The following ARHGEF10L variants were observed in gnomAD, a reference collection of about 807,000 sequenced individuals.
ARHGEF10L encodes the protein rho guanine nucleotide exchange factor 10-like protein.
Under a neutral mutation model 141.2 loss-of-function variants are expected in ARHGEF10L, and 69 were observed. The ratio of observed to expected loss-of-function variants is 0.49; its 90% CI spans 0.40 to 0.60. The LOEUF is 0.60. ARHGEF10L is among the 20% of genes least tolerant of loss of function. The probability of loss-of-function intolerance (pLI) is 0.00; values close to 1 mark genes in which losing one functional copy is unlikely to be tolerated. For missense variants in ARHGEF10L, 1,482 were observed against 1,734.3 expected (o/e 0.85, Z 2.58); for synonymous variants, 711 against 718.5 (o/e 0.99, Z 0.17).
In ARHGEF10L at chr1:17,697,269, C is replaced by T. The variant is rs78226175; in HGVS notation, c.3729C>T (p.Gly1243=). 132 of 1,612,718 alleles carry T rather than the reference C, an allele frequency of 8.2e-5. 1 individual carries two copies. The East Asian group carries it at 2.2e-3, about 27-fold the overall frequency. The part of the protein sequence containing the change: ...KEICSVAIIS[G]GQGYRNFGSA... ...TTTGCTCTGTGGCCATCATCTCCGGCGGGCAGGGCTACCGCAACTTTGGCA... is the reference window on the plus strand; with the variant it reads ...TTTGCTCTGTGGCCATCATCTCCGGTGGGCAGGGCTACCGCAACTTTGGCA... Residue 1243 remains glycine, a synonymous_variant, in exon 29 of 29, where the codon GGC becomes GGT. Transcript: ENST00000361221. The surrounding 1 kb of genome is among the most constrained non-coding windows in gnomAD (Gnocchi z 4.8).
At chr1:17,670,194 G>C (rs1387924891) in intron 26 of ARHGEF10L, among the ~76,000 whole-genome samples, 3 of 152,262 alleles carry the variant, frequency 2.0e-5, no homozygotes, top group Non-Finnish European at 4.4e-5. Flanking sequence ...CACATGGCCT[G>C]GACTCTGCGC....
chr1:17,593,333 C>A (rs761028108), intron 4 of ARHGEF10L, among the ~76,000 whole-genome samples: 4 of 152,202 alleles, frequency 2.6e-5, no homozygotes, highest in African/African-American at 9.7e-5. Context: ...GGCCCTTCCA[C>A]CCCTTGGAGA....
Position 17,639,752 on chromosome 1 carries a change from A to C in ARHGEF10L, c.2172-450A>C, listed in dbSNP as rs1178181510. The C allele has an allele frequency of 1.1e-6, 1 of 874,566 alleles. No homozygotes were observed. Among genetic ancestry groups the C allele is most frequent in the African/African-American group, 1.7e-5 (1 of 57,974 alleles). The allele number at this position is 874,566 out of a possible 1,614,324, so 54.2% of individuals were successfully genotyped here. A position where few individuals can be genotyped will look rare whatever the true frequency, so the allele number is the denominator to read the frequency against. On this transcript the variant is annotated intron_variant, in intron 20 of 28. Coordinates refer to ENST00000361221, the MANE Select transcript of ARHGEF10L (RefSeq NM_018125.4). This position sits in a 1 kb window ranked among gnomAD's most constrained non-coding sequence, Gnocchi z 4.3. ...CATTTCTTCATTCATTCCTGTGTCC[A>C]CTCAGCAAACATTTACTGAGCAACT...
chr1:17,658,990 A>G (rs2062445786), intron 25 of ARHGEF10L, among the ~76,000 whole-genome samples: 1 of 152,088 alleles, frequency 6.6e-6, no homozygotes, highest in Non-Finnish European at 1.5e-5. Flanking sequence ...CCCGGAGAGG[A>G]AGCCATTTTG....
At chr1:17,564,487 C>T (rs1440288971) in intron 1 of ARHGEF10L, among the ~76,000 whole-genome samples, 1 of 152,160 alleles carries the variant, frequency 6.6e-6, no homozygotes, top group Non-Finnish European at 1.5e-5. Context: ...GCTTCATGGT[C>T]CCACCTGAGT....
chr1:17,605,267 A>T (rs1007054390), intron 6 of ARHGEF10L, among the ~76,000 whole-genome samples: 1 of 152,150 alleles, frequency 6.6e-6, no homozygotes, highest in African/African-American at 2.4e-5. Flanking sequence ...TGGCTTCTTC[A>T]CATAAAGCAG....
At position 17,619,698 on chromosome 1, in the gene ARHGEF10L, G is replaced by C. The variant is rs74059378; in HGVS notation, c.942+253G>C. On this transcript the variant is annotated intron_variant, in intron 10 of 28. Coordinates refer to ENST00000361221, the MANE Select transcript of ARHGEF10L (RefSeq NM_018125.4). This position sits in a 1 kb window ranked among gnomAD's most constrained non-coding sequence, Gnocchi z 5.0. ...GGCTCCCGGCATCTAGAACGCTTGC[G>C]TCCCCCAACTCCATGGCATGCAGAG... is the stretch of plus-strand genomic sequence containing the variant. Among the ~76,000 whole-genome samples the C allele has an allele frequency of 0.19, 29,377 of 152,018 alleles. 3,518 individuals are homozygous for C. Among genetic ancestry groups the C allele is most frequent in the African/African-American group, 0.34 (13,906 of 41,428 alleles).
At chr1:17,569,787 C>T (rs1487912558) in intron 1 of ARHGEF10L, among the ~76,000 whole-genome samples, 1 of 152,210 alleles carries the variant, frequency 6.6e-6, no homozygotes, top group Non-Finnish European at 1.5e-5. Flanking sequence ...GTGGCAGCCG[C>T]GGAGGCTCGC....
Position 17,624,450 on chromosome 1 carries a change from T to A in ARHGEF10L, c.1264T>A (p.Ser422Thr). The A allele has an allele frequency of 5.6e-6, 9 of 1,614,194 alleles. No homozygotes were observed. The highest frequency in any genetic ancestry group is 6.8e-6 in the Non-Finnish European group (8 of 1,180,034). ...DYVNNFTSAM[S>T]IIKKACLTKP... is the part of the protein sequence containing the mutation. The stretch of plus-strand genomic sequence containing the variant: ...CGTGAACAACTTCACCAGTGCCATG[T>A]CCATCATCAAGAAGGCCTGCCTCAC... Residue 422 changes from serine to threonine, a missense_variant, in exon 13 of 29, where the codon TCC becomes ACC. This residue lies in a region of ARHGEF10L where 392 missense variants were observed against 542.1 expected (regional missense o/e 0.72). Coordinates refer to ENST00000361221, the MANE Select transcript of ARHGEF10L (RefSeq NM_018125.4).
At chr1:17,622,686 C>G (rs1037585857) in intron 11 of ARHGEF10L, among the ~76,000 whole-genome samples, 4 of 152,148 alleles carry the variant, frequency 2.6e-5, no homozygotes, top group African/African-American at 9.7e-5. Flanking sequence ...CGCTCGTGGG[C>G]TCAGTGACAG....
chr1:17,578,664 A>G (rs1363012109), intron 1 of ARHGEF10L, among the ~76,000 whole-genome samples: 1 of 152,178 alleles, frequency 6.6e-6, no homozygotes, highest in Non-Finnish European at 1.5e-5. Flanking sequence ...CCAACCTGGG[A>G]AATCGAGACC....
At chr1:17,580,693 C>G in intron 2 of ARHGEF10L, 61 bp downstream of exon 2, 1 of 1,603,618 alleles carries the variant, frequency 6.2e-7, no homozygotes, top group South Asian at 1.1e-5. Flanking sequence ...CGCTGGGGGC[C>G]GGCGGAGGGC....
chr1:17,515,341 T>C, the ARHGEF10L span, among the ~76,000 whole-genome samples: 10 of 151,266 alleles, frequency 6.6e-5, no homozygotes, highest in African/African-American at 2.4e-4. Context: ...CTGCCCAGGC[T>C]GGAGTGCAGT....
chr1:17,570,093 G>A (rs2077930640), intron 1 of ARHGEF10L, among the ~76,000 whole-genome samples: 1 of 152,350 alleles, frequency 6.6e-6, no homozygotes, highest in Admixed American at 6.5e-5. Flanking sequence ...CTCCCCAGGG[G>A]CCCGACTTGG....
intron 7 of ARHGEF10L, among the ~76,000 whole-genome samples, chr1:17,610,906 G>A (rs1190241556): frequency 6.6e-6 from 1 of 152,096 alleles, no homozygotes; most frequent in African/African-American, 2.4e-5. Flanking sequence ...GCCTCATCCT[G>A]TTATGTGAAC....
rs751797103 is a variant in ARHGEF10L, at chr1:17,558,663, CTT to C, written c.-44+18716_-44+18717del. Reference sequence around the variant, plus strand: ...CTGGGGCAGGTGGGGACCTTTTCCTCTTTTGACACTCAGGTTCTCTTTGGTTT... The same window carrying C: ...CTGGGGCAGGTGGGGACCTTTTCCTCTTGACACTCAGGTTCTCTTTGGTTT... On this transcript the variant is annotated intron_variant, in intron 1 of 28. Coordinates refer to ENST00000361221, the MANE Select transcript of ARHGEF10L (RefSeq NM_018125.4). The surrounding 1 kb of genome is among the most constrained non-coding windows in gnomAD (Gnocchi z 4.2). 6.6e-5 allele frequency among the ~76,000 whole-genome samples: 10 copies of C among 152,218 alleles called. No individual in the cohort carries two copies. The highest frequency in any genetic ancestry group is 1.3e-4 in the Non-Finnish European group (9 of 68,036).
intron 26 of ARHGEF10L, among the ~76,000 whole-genome samples, chr1:17,667,710 C>T (rs892627943): frequency 1.3e-5 from 2 of 152,202 alleles, no homozygotes; most frequent in South Asian, 2.1e-4. Context: ...AAGTGGCTGC[C>T]GGCTGCTGGC....
intron 25 of ARHGEF10L, among the ~76,000 whole-genome samples, chr1:17,657,819 G>A (rs138531215): frequency 3.3e-5 from 5 of 152,316 alleles, no homozygotes; most frequent in East Asian, 1.9e-4. Flanking sequence ...CGGCTCCCAC[G>A]GAACACTGTG....
At chr1:17,660,305 G>T (rs1220973850) in intron 25 of ARHGEF10L, among the ~76,000 whole-genome samples, 1 of 152,166 alleles carries the variant, frequency 6.6e-6, no homozygotes, top group Non-Finnish European at 1.5e-5. Flanking sequence ...GGATGGGTTG[G>T]GCATCAGGCT....
Sources: allele counts gnomAD v4.1 joint callset (sites outside exome capture counted in the v4.1 genomes callset), GRCh38; gene constraint gnomAD v4.1.1; regional missense constraint gnomAD v4.1.1; non-coding constraint Gnocchi (gnomAD v3.1); transcripts MANE v1.5; gene names NCBI Gene and HGNC (gene_info 2026-07-23, HGNC 2026-07-21).